COPE: variants seen among roughly 807,000 people sequenced by gnomAD.
COPE encodes the protein coatomer subunit epsilon.
Under a neutral mutation model 42.1 loss-of-function variants are expected in COPE, and 19 were observed. The ratio of observed to expected loss-of-function variants is 0.45; its 90% CI spans 0.31 to 0.66. The LOEUF (loss-of-function observed/expected upper bound fraction) is 0.66, where lower values mean the gene tolerates loss of function less well. Among genes scored for constraint, COPE ranks in the 30% least tolerant of loss-of-function variants. The pLI, the probability that COPE is intolerant of heterozygous loss-of-function variation, is 0.05. For missense variants in COPE, 402 were observed against 416.1 expected, an observed-to-expected ratio of 0.97 and a Z score of 0.30; for synonymous variants, 195 against 181.3, an observed-to-expected ratio of 1.08 and a Z score of -0.60.
At chr19:18,901,394 T>C (rs1215666525) in intron 7 of COPE, among the ~76,000 whole-genome samples, 2 of 152,172 alleles carry the variant, frequency 1.3e-5, no homozygotes, top group African/African-American at 4.8e-5. Flanking sequence ...GTCTTGCCCC[T>C]GGGGCAGCGA....
intron 4 of COPE, 110 bp downstream of exon 4, chr19:18,906,850 C>A: frequency 3.8e-6 from 5 of 1,299,524 alleles, no homozygotes; most frequent in Non-Finnish European, 5.2e-6. Context: ...ATTTCAGCAC[C>A]ACCTTTCTCT....
At chr19:18,915,516 T>G (rs1189546366) in intron 1 of COPE, among the ~76,000 whole-genome samples, 1 of 152,030 alleles carries the variant, frequency 6.6e-6, no homozygotes, top group Non-Finnish European at 1.5e-5. Context: ...GTCCCCGGGG[T>G]GGGAGAGCAT....
In COPE at chr19:18,915,764, G is replaced by C. The variant is rs1005222201; in HGVS notation, c.127-2718C>G. ...GTAACTCCTCCCTTCTGTCCCTGTA[G>C]CCAGTGATCTGACCGCACTGGGCCG... is the stretch of plus-strand genomic sequence containing the variant. On this transcript the variant is annotated intron_variant, in intron 1 of 9. Transcript: ENST00000262812. Among the ~76,000 whole-genome samples the C allele has an allele frequency of 3.3e-5, 5 of 152,326 alleles. No homozygotes were observed. In the South Asian group the frequency reaches 1.0e-3, roughly 32 times the overall value.
chr19:18,904,901 C>A, intron 5 of COPE, 49 bp from the exon 6 acceptor site: 1 of 1,524,224 alleles, frequency 6.6e-7, no homozygotes, highest in South Asian at 1.2e-5. Flanking sequence ...AGGGCCCTGG[C>A]CTGGCCATCC....
At position 18,904,797 on chromosome 19, in the gene COPE, C is replaced by T. The variant is rs748210508; in HGVS notation, c.553G>A (p.Ala185Thr). The T allele has an allele frequency of 3.0e-5, 47 of 1,554,488 alleles. No homozygotes were observed. Among genetic ancestry groups the T allele is most frequent in the South Asian group, 2.4e-4 (20 of 84,226 alleles). The change falls in exon 6 of 10, where the codon GCC becomes ACC. Residue 185 changes from alanine to threonine, a missense_variant. Transcript: ENST00000262812. The part of the protein sequence containing the change: ...LDEDATLTQL[A>T]TAWVSLATGG... ...GTGGCCAGGCTGACCCAGGCAGTGG[C>T]GAGCTGGGTGAGGGTGGCATCCTCG...
intron 1 of COPE, among the ~76,000 whole-genome samples, chr19:18,913,691 G>A (rs1413612146): frequency 1.3e-5 from 2 of 152,228 alleles, no homozygotes; most frequent in Non-Finnish European, 2.9e-5. Flanking sequence ...GGTGGGCACA[G>A]TGCAGCTCAG....
chr19:18,914,873 C>CA (rs1229792633), intron 1 of COPE, among the ~76,000 whole-genome samples: 2 of 149,976 alleles, frequency 1.3e-5, no homozygotes, highest in East Asian at 4.0e-4. Flanking sequence ...TTTTCTGCCT[C>CA]AGTCTCCCGA....
Position 18,919,251 on chromosome 19 carries a change from T to G in COPE, c.98A>C (p.Gln33Pro), listed in dbSNP as rs2056889756. The G allele has an allele frequency of 6.2e-7, 1 of 1,613,776 alleles. No homozygotes were observed. The highest frequency in any genetic ancestry group is 8.5e-7 in the Non-Finnish European group (1 of 1,179,970). The change falls in exon 1 of 10, where the codon CAG becomes CCG. Residue 33 changes from glutamine to proline, a missense_variant. Coordinates refer to ENST00000262812, the MANE Select transcript of COPE (RefSeq NM_007263.4). ...KNAFYIGSYQQCINEAQRVKL... is the reference protein window; with the variant it reads ...KNAFYIGSYQPCINEAQRVKL... ...CACCCGCTGCGCCTCGTTTATGCAC[T>G]GCTGGTAGCTGCCGATGTAGAAGGC...
In COPE at chr19:18,913,057, C is replaced by T; in HGVS notation, c.127-11G>A. On this transcript the variant is annotated splice_polypyrimidine_tract_variant and intron_variant, in intron 1 of 9. Coordinates refer to ENST00000262812, the MANE Select transcript of COPE (RefSeq NM_007263.4). The stretch of plus-strand genomic sequence containing the variant: ...CTCTGGGCTTGATAGCTGTGGGAAC[C>T]AATGTGAGTCAGGACGCACAGTGGG... 5.6e-6 allele frequency: 9 copies of T among 1,608,886 alleles called. No homozygotes were observed. Among genetic ancestry groups the T allele is most frequent in the Non-Finnish European group, 6.8e-6 (8 of 1,179,340 alleles).
intron 3 of COPE, 187 bp downstream of exon 3, chr19:18,910,783 AC>A: frequency 1.6e-6 from 1 of 609,876 alleles, no homozygotes; most frequent in Non-Finnish European, 2.9e-6. Flanking sequence ...AGGATCCATC[AC>A]CAGCCCCCCA....
chr19:18,899,804 G>T, intron 9 of COPE, 69 bp downstream of exon 9: 2 of 1,608,688 alleles, frequency 1.2e-6, no homozygotes, highest in Non-Finnish European at 1.7e-6. Flanking sequence ...GAGGGCGCAT[G>T]TGAGCCCAGG....
chr19:18,901,281 G>A (rs932507185), intron 7 of COPE, among the ~76,000 whole-genome samples: 2 of 152,260 alleles, frequency 1.3e-5, no homozygotes, highest in African/African-American at 2.4e-5. Flanking sequence ...CGTGTCACCT[G>A]AGAGGTGTAA....
rs1245247736 is a variant in COPE, at chr19:18,899,684, C to T, written c.922G>A (p.Ala308Thr). The T allele has an allele frequency of 1.9e-6, 3 of 1,613,478 alleles. No individual in the cohort carries two copies. Among genetic ancestry groups the T allele is most frequent in the Non-Finnish European group, 2.5e-6 (3 of 1,179,968 alleles). The change falls in exon 10 of 10, where the codon GCC becomes ACC. Residue 308 changes from alanine to threonine, a missense_variant. Coordinates refer to ENST00000262812, the MANE Select transcript of COPE (RefSeq NM_007263.4). Reference sequence around the variant, plus strand: ...CTGACAGCTCTGGGCCAGCCTCAGGCGCTGGGAGCGTACTGTAGCACCAGC... The same window carrying T: ...CTGACAGCTCTGGGCCAGCCTCAGGTGCTGGGAGCGTACTGTAGCACCAGC... ...DRLVLQYAPS[A>T]
chr19:18,919,250 C>G lies in COPE; in HGVS notation c.99G>C (p.Gln33His). 1 of 1,613,764 alleles carries G rather than the reference C, an allele frequency of 6.2e-7. No individual in the cohort carries two copies. Among genetic ancestry groups the G allele is most frequent in the Non-Finnish European group, 8.5e-7 (1 of 1,179,966 alleles). The change falls in exon 1 of 10, where the codon CAG becomes CAC. Residue 33 changes from glutamine to histidine, a missense_variant. By Grantham distance (24) the Gln-to-His change is conservative (BLOSUM62 0). Coordinates refer to ENST00000262812, the MANE Select transcript of COPE (RefSeq NM_007263.4). ...TCACCCGCTGCGCCTCGTTTATGCACTGCTGGTAGCTGCCGATGTAGAAGG... is the reference window on the plus strand; with the variant it reads ...TCACCCGCTGCGCCTCGTTTATGCAGTGCTGGTAGCTGCCGATGTAGAAGG... The part of the protein sequence containing the change: ...KNAFYIGSYQ[Q>H]CINEAQRVKL...
At chr19:18,903,195 T>C in intron 7 of COPE, 73 bp downstream of exon 7, 5 of 1,439,438 alleles carry the variant, frequency 3.5e-6, no homozygotes, top group Non-Finnish European at 4.6e-6. Flanking sequence ...CACTTGTTTC[T>C]GTCCGCCCTG....
At chr19:18,914,349 G>A (rs2056836055) in intron 1 of COPE, among the ~76,000 whole-genome samples, 1 of 151,878 alleles carries the variant, frequency 6.6e-6, no homozygotes, top group African/African-American at 2.4e-5. Flanking sequence ...AGACCAGCCT[G>A]GCCAACATGG....
At chr19:18,918,100 G>A (rs1162094382) in intron 1 of COPE, among the ~76,000 whole-genome samples, 2 of 140,554 alleles carry the variant, frequency 1.4e-5, no homozygotes, top group Non-Finnish European at 3.0e-5. Context: ...TGAGAAAGGA[G>A]AATTGCTTGA....
At chr19:18,913,746 A>G (rs2056831436) in intron 1 of COPE, among the ~76,000 whole-genome samples, 1 of 152,124 alleles carries the variant, frequency 6.6e-6, no homozygotes, top group Non-Finnish European at 1.5e-5. Flanking sequence ...GGGCTTCGAG[A>G]GGAAAGTACA....
chr19:18,912,820 T>G (rs541630397), intron 2 of COPE, among the ~76,000 whole-genome samples, 164 bp downstream of exon 2: 1 of 151,816 alleles, frequency 6.6e-6, no homozygotes, highest in South Asian at 2.1e-4. Context: ...CACAGCCACC[T>G]TCACATGCTG....
Sources: allele counts gnomAD v4.1 joint callset (sites outside exome capture counted in the v4.1 genomes callset), GRCh38; gene constraint gnomAD v4.1.1; transcripts MANE v1.5; gene names NCBI Gene and HGNC (gene_info 2026-07-23, HGNC 2026-07-21).